Variants in SLCO1C1 observed in about 807,000 individuals in gnomAD.
SLCO1C1 encodes OAT-RP-5.
SLCO1C1 carries 70 observed loss-of-function variants against 76.4 expected under a neutral mutation model. The observed-to-expected ratio is 0.92, with a 90% CI of 0.76 to 1.12. SLCO1C1 has a LOEUF of 1.12. Among genes scored for constraint, SLCO1C1 ranks in the 50% most tolerant of loss-of-function variants. The pLI is 0.00. For synonymous variants in SLCO1C1, 306 were observed against 286.1 expected, an observed-to-expected ratio of 1.07 and a Z score of -0.70; for missense variants, 912 against 823.8, an observed-to-expected ratio of 1.11 and a Z score of -1.31.
chr12:20,714,232 C>A (rs1488616903), intron 5 of SLCO1C1, among the ~76,000 whole-genome samples: 1 of 152,154 alleles, frequency 6.6e-6, no homozygotes, highest in African/African-American at 2.4e-5. Flanking sequence ...AAAGATAACT[C>A]CTACCTCATA....
Position 20,699,547 on chromosome 12 carries a change from G to A in SLCO1C1, c.-25-5G>A. 6.4e-7 allele frequency: 1 copy of A among 1,567,408 alleles called. No homozygotes were observed. The highest frequency in any genetic ancestry group is 8.6e-7 in the Non-Finnish European group (1 of 1,163,704). On this transcript the variant is annotated splice_polypyrimidine_tract_variant and splice_region_variant and intron_variant, in intron 1 of 14. Coordinates refer to ENST00000266509, the MANE Select transcript of SLCO1C1 (RefSeq NM_017435.5). The stretch of plus-strand genomic sequence containing the variant: ...TATTTTTACTTTAAAAACTAACTTT[G>A]ACAGATCAGAGTCAAGGAATGTGTT...
chr12:20,730,138 C>T (rs1020447366), intron 9 of SLCO1C1, among the ~76,000 whole-genome samples: 1 of 152,134 alleles, frequency 6.6e-6, no homozygotes, highest in Admixed American at 6.5e-5. Flanking sequence ...TAGAAACATG[C>T]TCTGAAGGTT....
chr12:20,701,181 T>TA, intron 2 of SLCO1C1, 137 bp from the exon 3 acceptor site: 1 of 869,254 alleles, frequency 1.2e-6, no homozygotes. Flanking sequence ...GTGTTTGAAT[T>TA]AAAGTTTCAG....
At chr12:20,703,694 A>G (rs1430055236) in intron 3 of SLCO1C1, among the ~76,000 whole-genome samples, 1 of 151,766 alleles carries the variant, frequency 6.6e-6, no homozygotes, top group Non-Finnish European at 1.5e-5. Context: ...TTATATAGGG[A>G]TTTAATTAAT....
intron 1 of SLCO1C1, among the ~76,000 whole-genome samples, 163 bp from the exon 2 acceptor site, chr12:20,699,389 T>G (rs78413813): frequency 0.036 from 5,439 of 152,142 alleles, 312 homozygotes; most frequent in African/African-American, 0.12. Context: ...TAATCAGATA[T>G]CCTGGTTGAT....
At chr12:20,737,898 A>G (rs1948622642) in intron 11 of SLCO1C1, among the ~76,000 whole-genome samples, 2 of 152,124 alleles carry the variant, frequency 1.3e-5, no homozygotes, top group Admixed American at 6.5e-5. Context: ...TATACCATAG[A>G]ATGGGTGGCT....
intron 10 of SLCO1C1, among the ~76,000 whole-genome samples, chr12:20,733,951 A>T (rs892605588): frequency 1.3e-5 from 2 of 152,066 alleles, no homozygotes; most frequent in Admixed American, 6.6e-5. Flanking sequence ...TCACCTATAT[A>T]TGCATTATTT....
intron 4 of SLCO1C1, among the ~76,000 whole-genome samples, chr12:20,710,848 T>A (rs952286383): frequency 6.6e-6 from 1 of 152,204 alleles, no homozygotes; most frequent in South Asian, 2.1e-4. Context: ...TTTTATCAAG[T>A]TGAATACTTT....
chr12:20,731,801 A>G (rs1948278051), intron 9 of SLCO1C1, among the ~76,000 whole-genome samples: 2 of 152,200 alleles, frequency 1.3e-5, no homozygotes. Flanking sequence ...CAAGGGTTCC[A>G]TTCCCCACCC....
At position 20,737,121 on chromosome 12, in the gene SLCO1C1, C is replaced by T; in HGVS notation, c.1397C>T (p.Ser466Phe). ...TTTCTTTTCAGAACCAAACCTGTCT[C>T]TTATCATGAACGAGCTCTCTTTTCA... Reference protein sequence around the residue: ...TVSYQGTKPVSYHERALFSDC... With the variant: ...TVSYQGTKPVFYHERALFSDC... Residue 466 changes from serine to phenylalanine, a missense_variant, in exon 11 of 15, where the codon TCT (serine) becomes TTT (phenylalanine). By Grantham distance (155) the Ser-to-Phe change is radical. Coordinates refer to ENST00000266509, the MANE Select transcript of SLCO1C1 (RefSeq NM_017435.5). 2 of 1,528,948 alleles carry T rather than the reference C, an allele frequency of 1.3e-6. No homozygotes were observed. Among genetic ancestry groups the T allele is most frequent in the Non-Finnish European group, 1.7e-6 (2 of 1,146,440 alleles). The allele number at this position is 1,528,948 out of a possible 1,614,324, so 94.7% of individuals were successfully genotyped here. A position where few individuals can be genotyped will look rare whatever the true frequency, so the allele number is the denominator to read the frequency against.
At chr12:20,717,289 G>T in intron 7 of SLCO1C1, 59 bp downstream of exon 7, 1 of 1,318,576 alleles carries the variant, frequency 7.6e-7, no homozygotes. Context: ...ATTTTTAATG[G>T]GAACAGTGTG....
intron 9 of SLCO1C1, among the ~76,000 whole-genome samples, chr12:20,729,740 C>T (rs1197087045): frequency 1.3e-5 from 2 of 151,034 alleles, no homozygotes; most frequent in African/African-American, 2.4e-5. Flanking sequence ...GATGATGATA[C>T]CTAAATCAAG....
chr12:20,722,262 C>T (rs1440371524), intron 8 of SLCO1C1, among the ~76,000 whole-genome samples: 4 of 152,264 alleles, frequency 2.6e-5, no homozygotes, highest in Non-Finnish European at 5.9e-5. Context: ...CTGCTGATGT[C>T]TCCACCCTCT....
rs901956714 is a variant in SLCO1C1 at position 20,722,676 on chromosome 12, A to G, written c.1022-414A>G. Among the ~76,000 whole-genome samples, 3 of 152,350 alleles carry G rather than the reference A, an allele frequency of 2.0e-5. No individual in the cohort carries two copies. In the East Asian group the frequency reaches 5.8e-4, roughly 29 times the overall value. ...TATATTAAATGGAGATAACTCTCAT[A>G]TTTCTTTCTCTTTGACCACAAGCTA... On this transcript the variant is annotated intron_variant, in intron 8 of 14. Transcript: ENST00000266509.
chr12:20,730,944 AC>A (rs1449578499), intron 9 of SLCO1C1, among the ~76,000 whole-genome samples: 1 of 152,144 alleles, frequency 6.6e-6, no homozygotes. Flanking sequence ...GCCCCTCCAG[AC>A]TGGCAACGCT....
At chr12:20,723,559 AT>A (rs1565522302) in intron 9 of SLCO1C1, among the ~76,000 whole-genome samples, 1 of 152,156 alleles carries the variant, frequency 6.6e-6, no homozygotes. Context: ...GCCATTTTAC[AT>A]GAACAGTTTC....
intron 7 of SLCO1C1, among the ~76,000 whole-genome samples, chr12:20,720,578 C>T (rs1337136797): frequency 2.0e-5 from 3 of 152,174 alleles, no homozygotes; most frequent in African/African-American, 7.2e-5. Flanking sequence ...TTCAGCCCTC[C>T]TGGATGACTT....
chr12:20,707,380 T>G, intron 4 of SLCO1C1, among the ~76,000 whole-genome samples: 1 of 152,048 alleles, frequency 6.6e-6, no homozygotes, highest in Admixed American at 6.6e-5. Flanking sequence ...AGCTTCCATG[T>G]GACAGTTTGC....
intron 13 of SLCO1C1, among the ~76,000 whole-genome samples, chr12:20,749,494 G>A (rs11045437): frequency 6.6e-6 from 1 of 151,886 alleles, no homozygotes; most frequent in African/African-American, 2.4e-5. Flanking sequence ...AATCTCCTAG[G>A]TTTCAGCTAT....
Sources: gnomAD v4.1 joint callset for allele counts (sites outside exome capture counted in the v4.1 genomes callset) on GRCh38, gnomAD v4.1.1 for gene constraint, MANE v1.5 for transcripts, NCBI Gene and HGNC (gene_info 2026-07-23, HGNC 2026-07-21) for gene names.